The following ADARB2 variants were observed in gnomAD, a reference collection of about 807,000 sequenced individuals.
ADARB2 encodes adenosine deaminase RNA specific B2 (inactive).
In ADARB2, 25 loss-of-function variants were observed where a neutral mutation model predicts 62.2. The ratio of observed to expected loss-of-function variants is 0.40; its 90% CI spans 0.29 to 0.56. ADARB2 has a LOEUF of 0.56. Ranked by LOEUF, ADARB2 falls within the 20% of genes least tolerant of loss-of-function variation. The pLI, the probability that ADARB2 is intolerant of heterozygous loss-of-function variation, is 0.43. For missense variants in ADARB2, 1,071 were observed against 1,077.4 expected, an observed-to-expected ratio of 0.99 and a Z score of 0.08; for synonymous variants, 572 against 500.8, an observed-to-expected ratio of 1.14 and a Z score of -1.90.
At chr10:1,404,937 G>T (rs760600327) in intron 1 of ADARB2, among the ~76,000 whole-genome samples, 10 of 152,234 alleles carry the variant, frequency 6.6e-5, no homozygotes, top group Non-Finnish European at 1.5e-4. Flanking sequence ...CACGCAGCTT[G>T]TTAAAGCAGC....
chr10:1,714,929 G>T (rs1834998597), intron 1 of ADARB2, among the ~76,000 whole-genome samples: 2 of 152,032 alleles, frequency 1.3e-5, no homozygotes, highest in African/African-American at 4.8e-5. Flanking sequence ...GTATACATGT[G>T]CCATGTTGGT....
At chr10:1,224,531 T>C (rs969871216) in intron 6 of ADARB2, among the ~76,000 whole-genome samples, 3 of 152,096 alleles carry the variant, frequency 2.0e-5, no homozygotes, top group African/African-American at 7.2e-5. Flanking sequence ...GTGTCAATTT[T>C]GGATCTTTCC....
chr10:1,365,087 G>A (rs1832301561), intron 2 of ADARB2, among the ~76,000 whole-genome samples: 1 of 151,986 alleles, frequency 6.6e-6, no homozygotes, highest in Non-Finnish European at 1.5e-5. Context: ...GGCTAGGCTG[G>A]TCTCGAACTC....
intron 1 of ADARB2, among the ~76,000 whole-genome samples, chr10:1,543,787 GCGCTGGGCC>G (rs1832474270): frequency 6.6e-6 from 1 of 152,218 alleles, no homozygotes; most frequent in South Asian, 2.1e-4. Context: ...TGAAGGGGCA[GCGCTGGGCC>G]CGCTTATTAG....
chr10:1,210,307 C>CA (rs969204500), intron 7 of ADARB2, among the ~76,000 whole-genome samples: 32 of 152,330 alleles, frequency 2.1e-4, no homozygotes, highest in African/African-American at 7.7e-4. Context: ...AGTCGGAGAT[C>CA]AAAAGCCAGC....
At chr10:1,633,564 C>CTA (rs1169087596) in intron 1 of ADARB2, among the ~76,000 whole-genome samples, 29 of 145,572 alleles carry the variant, frequency 2.0e-4, no homozygotes, top group African/African-American at 7.6e-4. Flanking sequence ...ATCTATCTAT[C>CTA]TATCTATCTA....
chr10:1,418,286 G>T (rs774786891), intron 1 of ADARB2, among the ~76,000 whole-genome samples: 6 of 152,314 alleles, frequency 3.9e-5, no homozygotes, highest in South Asian at 4.1e-4. Flanking sequence ...GAGTTCCCGG[G>T]AAAGACGGTG....
At position 1,529,413 on chromosome 10, in the gene ADARB2, G is replaced by A. The variant is rs1258272939; in HGVS notation, c.101-150253C>T. On this transcript the variant is annotated intron_variant, in intron 1 of 9. Transcript: ENST00000381312. The stretch of plus-strand genomic sequence containing the variant: ...CCCACAGATTGAGGGGGAAGATTAG[G>A]GAAGGCGAGGACCTGAGAAATCTGA... 5.9e-5 allele frequency among the ~76,000 whole-genome samples: 9 copies of A among 152,092 alleles called. 1 individual carries two copies. Among genetic ancestry groups the A allele is most frequent in the Admixed American group, 5.9e-4 (9 of 15,266 alleles).
intron 3 of ADARB2, among the ~76,000 whole-genome samples, chr10:1,277,330 A>G (rs536759507): frequency 1.3e-5 from 2 of 152,330 alleles, no homozygotes; most frequent in African/African-American, 4.8e-5. Context: ...TGGTTTTTTG[A>G]AAGGATCAAC....
chr10:1,463,771 G>T (rs1190497287), intron 1 of ADARB2, among the ~76,000 whole-genome samples: 1 of 152,154 alleles, frequency 6.6e-6, no homozygotes, highest in Admixed American at 6.6e-5. Context: ...GAAAATATTT[G>T]CAAATCACAC....
At chr10:1,449,431 C>T (rs1831012018) in intron 1 of ADARB2, among the ~76,000 whole-genome samples, 1 of 152,190 alleles carries the variant, frequency 6.6e-6, no homozygotes, top group African/African-American at 2.4e-5. Flanking sequence ...CTTCAGAAGT[C>T]CCATATCCAT....
chr10:1,260,348 G>T lies in ADARB2; in HGVS notation c.1192+10607C>A, dbSNP rs191383157. The stretch of plus-strand genomic sequence containing the variant: ...AATAAAGGGCATTCAGTTAGGAAAA[G>T]AGGAAGTCAAATTGTCCCTGTTTGC... On this transcript the variant is annotated intron_variant, in intron 4 of 9. Transcript: ENST00000381312. Among the ~76,000 whole-genome samples, 31 of 152,260 alleles carry T rather than the reference G, an allele frequency of 2.0e-4. No individual in the cohort carries two copies. In the East Asian group the frequency reaches 5.8e-3, roughly 29 times the overall value.
At chr10:1,183,687 A>C (rs1458851351) in intron 9 of ADARB2, among the ~76,000 whole-genome samples, 1 of 152,216 alleles carries the variant, frequency 6.6e-6, no homozygotes, top group African/African-American at 2.4e-5. Flanking sequence ...ACAGCATCAC[A>C]GTGGGCAGGG....
At chr10:1,525,052 A>G (rs1199558074) in intron 1 of ADARB2, among the ~76,000 whole-genome samples, 1 of 152,220 alleles carries the variant, frequency 6.6e-6, no homozygotes, top group Non-Finnish European at 1.5e-5. Flanking sequence ...TAGTAATAAA[A>G]TAATAATAAT....
At chr10:1,591,935 C>T (rs541785183) in intron 1 of ADARB2, among the ~76,000 whole-genome samples, 16 of 152,336 alleles carry the variant, frequency 1.1e-4, no homozygotes, top group Admixed American at 2.0e-4. Flanking sequence ...GACCTCCGGC[C>T]GGCATCCTTC....
chr10:1,363,694 C>T lies in ADARB2; in HGVS notation c.411G>A (p.Arg137=). ...ACACTGTCCGGTACTGCAGGCCCGG[C>T]CTCAGCTCGTGCAGCTGCACCAGCG... The part of the protein sequence containing the change: ...KNALVQLHEL[R]PGLQYRTVSQ... The change falls in exon 3 of 10, where the codon AGG becomes AGA. Residue 137 remains arginine (R), a synonymous_variant. Coordinates refer to ENST00000381312, the MANE Select transcript of ADARB2 (RefSeq NM_018702.4). 1 of 1,611,656 alleles carries T rather than the reference C, an allele frequency of 6.2e-7. No homozygotes were observed. The highest frequency in any genetic ancestry group is 8.5e-7 in the Non-Finnish European group (1 of 1,179,366).
chr10:1,658,667 T>C (rs1834204267), intron 1 of ADARB2, among the ~76,000 whole-genome samples: 1 of 152,248 alleles, frequency 6.6e-6, no homozygotes. Context: ...TGCTGGTGTC[T>C]GCATCAGGAG....
chr10:1,524,101 G>A (rs375830784), intron 1 of ADARB2, among the ~76,000 whole-genome samples: 1 of 151,530 alleles, frequency 6.6e-6, no homozygotes, highest in Non-Finnish European at 1.5e-5. Context: ...TAGATAGATA[G>A]ATTAGAGAGA....
chr10:1,294,422 A>G (rs74633947), intron 3 of ADARB2, among the ~76,000 whole-genome samples: 9,185 of 152,182 alleles, frequency 0.06, 964 homozygotes, highest in African/African-American at 0.21. Flanking sequence ...CATTTCTGTC[A>G]GCCACAGCTG....
Sources: allele counts gnomAD v4.1 joint callset (sites outside exome capture counted in the v4.1 genomes callset), GRCh38; gene constraint gnomAD v4.1.1; transcripts MANE v1.5; gene names NCBI Gene and HGNC (gene_info 2026-07-23, HGNC 2026-07-21).